FAM240C: variants seen among roughly 807,000 people sequenced by gnomAD.
The protein encoded by FAM240C is protein FAM240C.
A neutral mutation model predicts 10.0 loss-of-function variants in FAM240C; 14 were observed. The observed-to-expected ratio is 1.40, with a 90% CI of 0.92 to 2.19. The LOEUF is 2.19. Among genes scored for constraint, FAM240C ranks in the 30% most tolerant of loss-of-function variants. FAM240C has a pLI of 0.00. For synonymous variants in FAM240C, 49 were observed against 44.3 expected (o/e 1.11, Z -0.42); for missense variants, 154 against 122.3 (o/e 1.26, Z -1.22).
chr2:241,897,229 G>A lies in FAM240C; in HGVS notation c.118C>T (p.Leu40=), dbSNP rs1237851952. The A allele has an allele frequency of 1.3e-6, 2 of 1,549,956 alleles. No homozygotes were observed. Among genetic ancestry groups the A allele is most frequent in the Admixed American group, 2.0e-5 (1 of 50,968 alleles). ...CGAACCCTGATGTCCTCGTTCTGCAGGTGTCTTGCGTGATGCTCGATTTTT... is the reference window on the plus strand; with the variant it reads ...CGAACCCTGATGTCCTCGTTCTGCAAGTGTCTTGCGTGATGCTCGATTTTT... The part of the protein sequence containing the change: ...EKKIEHHARH[L]QNEDIRVRRS... The change falls in exon 2 of 3, where the codon CTG becomes TTG. Residue 40 remains leucine (L), a synonymous_variant. Coordinates refer to ENST00000404031, the MANE Select transcript of FAM240C (RefSeq NM_001382368.1).
rs768765587 is a variant in FAM240C at position 241,894,265 on chromosome 2, CT to C, written c.235del (p.Arg79GlyfsTer27). On this transcript the variant is annotated frameshift_variant, in exon 3 of 3. Transcript: ENST00000404031. LOFTEE classifies it high-confidence loss of function. Reference sequence around the variant, plus strand: ...GAGGGACTCAGTGGCCTCCGGGACCCTGTCTGGGCATCTCCCTGGGCCCTGC... The same window carrying C: ...GAGGGACTCAGTGGCCTCCGGGACCCGTCTGGGCATCTCCCTGGGCCCTGC... ...MLQGPGRCPD[R>X]VPEATESLHT... 2.3e-5 allele frequency: 36 copies of C among 1,550,044 alleles called. No homozygotes were observed. The highest frequency in any genetic ancestry group is 3.1e-5 in the Non-Finnish European group (35 of 1,146,830).
At chr2:241,902,169 G>A (rs1400719405), upstream of FAM240C, among the ~76,000 whole-genome samples, 1 of 152,130 alleles carries the variant, frequency 6.6e-6, no homozygotes, top group Non-Finnish European at 1.5e-5. This position sits in a 1 kb window ranked among gnomAD's most constrained non-coding sequence, Gnocchi z 7.1. Flanking sequence ...CTATCCCAGT[G>A]CAGTGGGCTC....
intron 2 of FAM240C, among the ~76,000 whole-genome samples, chr2:241,894,616 A>G (rs1701746892): frequency 7.4e-6 from 1 of 135,156 alleles, no homozygotes; most frequent in Non-Finnish European, 1.6e-5. Context: ...TCCTCACAGG[A>G]GAGGAAAAAT....
At chr2:241,900,981 C>G (rs1395010795), upstream of FAM240C, among the ~76,000 whole-genome samples, 1 of 152,094 alleles carries the variant, frequency 6.6e-6, no homozygotes, top group Non-Finnish European at 1.5e-5. The surrounding 1 kb of genome is among the most constrained non-coding windows in gnomAD (Gnocchi z 4.5). Context: ...GTCAACCCGA[C>G]TCTGAGGGAG....
At chr2:241,900,658 C>A (rs369234209), upstream of FAM240C, among the ~76,000 whole-genome samples, 1 of 152,134 alleles carries the variant, frequency 6.6e-6, no homozygotes, top group Non-Finnish European at 1.5e-5. The surrounding 1 kb of genome is among the most constrained non-coding windows in gnomAD (Gnocchi z 4.5). Context: ...CTTCTTTCGA[C>A]GGCTGCTCCC....
intron 1 of FAM240C, among the ~76,000 whole-genome samples, chr2:241,899,665 G>C (rs112805758): frequency 0.019 from 2,932 of 152,324 alleles, 107 homozygotes; most frequent in African/African-American, 0.068. Context: ...GTGGGCGTTA[G>C]AGCTTCTGCT....
At chr2:241,900,993 T>C (rs1191186361), upstream of FAM240C, among the ~76,000 whole-genome samples, 1 of 151,268 alleles carries the variant, frequency 6.6e-6, no homozygotes, top group Non-Finnish European at 1.5e-5. This position sits in a 1 kb window ranked among gnomAD's most constrained non-coding sequence, Gnocchi z 4.5. Flanking sequence ...CTGAGGGAGG[T>C]TGGTGTAAAT....
Position 241,894,179 on chromosome 2 carries a change from G to T in FAM240C, c.*34C>A. ...TGGTGTTCCTTCTCCATGACCCTCC[G>T]GAAGCTCATGCAGAGTCTGGAGCTC... is the stretch of plus-strand genomic sequence containing the variant. On this transcript the variant is annotated 3_prime_UTR_variant, in exon 3 of 3. Transcript: ENST00000404031. 1 of 1,534,564 alleles carries T rather than the reference G, an allele frequency of 6.5e-7. No individual in the cohort carries two copies. The highest frequency in any genetic ancestry group is 1.2e-5 in the South Asian group (1 of 83,634).
intron 2 of FAM240C, among the ~76,000 whole-genome samples, chr2:241,895,685 T>C (rs1474202418): frequency 6.6e-6 from 1 of 152,124 alleles, no homozygotes; most frequent in African/African-American, 2.4e-5. Context: ...AGGGGGGTTG[T>C]GCAAATGGAG....
In FAM240C at chr2:241,899,377, C is replaced by T. The variant is rs77758337; in HGVS notation, c.12+981G>A. ...AGAAACTTAGACATGCAAAGTTGATCATGAAGGGACTGAACTCAGCCACGC... is the reference window on the plus strand; with the variant it reads ...AGAAACTTAGACATGCAAAGTTGATTATGAAGGGACTGAACTCAGCCACGC... On this transcript the variant is annotated intron_variant, in intron 1 of 2. Coordinates refer to ENST00000404031, the MANE Select transcript of FAM240C (RefSeq NM_001382368.1). 4.2e-3 allele frequency: 4,133 copies of T among 977,924 alleles called. 136 individuals carry two copies. In the African/African-American group the frequency reaches 0.067, roughly 16 times the overall value. The allele number at this position is 977,924 out of a possible 1,614,324, so 60.6% of individuals were successfully genotyped here. A position where few individuals can be genotyped will look rare whatever the true frequency, so the allele number is the denominator to read the frequency against.
chr2:241,898,691 G>A (rs529431989), intron 1 of FAM240C, among the ~76,000 whole-genome samples: 26 of 152,362 alleles, frequency 1.7e-4, no homozygotes, highest in African/African-American at 5.5e-4. Context: ...CCTGGGACGC[G>A]TGGAGCCTGG....
At chr2:241,899,372 T>C (rs775489219) in intron 1 of FAM240C, 8 of 982,880 alleles carry the variant, frequency 8.1e-6, no homozygotes, top group African/African-American at 1.7e-5. Flanking sequence ...ACATGCAAAG[T>C]TGATCATGAA....
intron 1 of FAM240C, 55 bp from the exon 2 acceptor site, chr2:241,897,389 G>C: frequency 1.3e-6 from 2 of 1,527,366 alleles, no homozygotes; most frequent in Non-Finnish European, 1.8e-6. Context: ...TCCCATTGAC[G>C]AGTTTGTGCT....
rs1430315346 is a variant in FAM240C, at chr2:241,900,401, G to A, written c.-32C>T. On this transcript the variant is annotated 5_prime_UTR_variant, in exon 1 of 3. Transcript: ENST00000404031. The surrounding 1 kb of genome is among the most constrained non-coding windows in gnomAD (Gnocchi z 4.5). ...GTGACGGGCAGGTTTTCCTGTCTCT[G>A]TTGAGGGTCCTCAGCCTGTCCTCTC... is the stretch of plus-strand genomic sequence containing the variant. The A allele has an allele frequency of 1.4e-6, 1 of 717,050 alleles. No homozygotes were observed. The highest frequency in any genetic ancestry group is 2.6e-6 in the Non-Finnish European group (1 of 385,054). The allele number at this position is 717,050 out of a possible 1,614,324, so 44.4% of individuals were successfully genotyped here.
At chr2:241,896,559 T>TGGGGTGTGGGTGTG (rs1559468328) in intron 2 of FAM240C, among the ~76,000 whole-genome samples, 3 of 12,766 alleles carry the variant, frequency 2.3e-4, no homozygotes, top group African/African-American at 3.3e-4. Flanking sequence ...GTGTGTGTGT[T>TGGGGTGTGGGTGTG]GGGGTGTGGG....
At position 241,896,382 on chromosome 2, in the gene FAM240C, C is replaced by T. The variant is rs148065636; in HGVS notation, c.161+804G>A. On this transcript the variant is annotated intron_variant, in intron 2 of 2. Transcript: ENST00000404031. Reference sequence around the variant, plus strand: ...AGGAGGAAGGGCACAAGTACAGATACGTCACTCAAGGGCAGTGATCTCAGA... The same window carrying T: ...AGGAGGAAGGGCACAAGTACAGATATGTCACTCAAGGGCAGTGATCTCAGA... Among the ~76,000 whole-genome samples, 1,429 of 152,170 alleles carry T rather than the reference C, an allele frequency of 9.4e-3. 22 individuals are homozygous for T. The highest frequency in any genetic ancestry group is 0.03 in the African/African-American group (1,234 of 41,516).
intron 1 of FAM240C, among the ~76,000 whole-genome samples, chr2:241,898,341 A>C (rs1215562947): frequency 6.6e-6 from 1 of 152,170 alleles, no homozygotes; most frequent in African/African-American, 2.4e-5. Context: ...ACTTGAGCTC[A>C]GGAGTTAAGA....
chr2:241,895,187 G>A (rs1258196173), intron 2 of FAM240C, among the ~76,000 whole-genome samples: 5 of 152,230 alleles, frequency 3.3e-5, no homozygotes, highest in East Asian at 1.9e-4. Context: ...GATGGTCCCC[G>A]AGCAACAGCT....
upstream of FAM240C, among the ~76,000 whole-genome samples, chr2:241,902,342 C>G (rs1702002497): frequency 7.0e-6 from 1 of 143,642 alleles, no homozygotes; most frequent in East Asian, 2.0e-4. The surrounding 1 kb of genome is among the most constrained non-coding windows in gnomAD (Gnocchi z 7.1). Flanking sequence ...GCCGCCGCCT[C>G]CCCTCCGCCG....
Sources: allele counts gnomAD v4.1 joint callset (sites outside exome capture counted in the v4.1 genomes callset), GRCh38; gene constraint gnomAD v4.1.1; non-coding constraint Gnocchi (gnomAD v3.1); transcripts MANE v1.5; gene names NCBI Gene and HGNC (gene_info 2026-07-23, HGNC 2026-07-21).